ZNF385D: variants seen among roughly 807,000 people sequenced by gnomAD.
ZNF385D encodes the protein zinc finger protein 385D.
ZNF385D carries 15 observed loss-of-function variants against 35.8 expected under a neutral mutation model. The ratio of observed to expected loss-of-function variants is 0.42; its 90% confidence interval spans 0.28 to 0.64. ZNF385D has a LOEUF of 0.64. Among genes scored for constraint, ZNF385D ranks in the 30% least tolerant of loss-of-function variants. The probability of loss-of-function intolerance (pLI) is 0.23; values close to 1 mark genes in which losing one functional copy is unlikely to be tolerated. For synonymous variants in ZNF385D, 212 were observed against 186.8 expected, an observed-to-expected ratio of 1.13 and a Z score of -1.10; for missense variants, 474 against 494.6, an observed-to-expected ratio of 0.96 and a Z score of 0.39.
chr3:22,121,949 T>C (rs1437346221), intron 3 of ZNF385D, among the ~76,000 whole-genome samples: 1 of 152,114 alleles, frequency 6.6e-6, no homozygotes, highest in Non-Finnish European at 1.5e-5. Flanking sequence ...AGATCAAGTC[T>C]GGAGACCCAG....
At chr3:22,212,806 C>T (rs1030478303) in intron 2 of ZNF385D, among the ~76,000 whole-genome samples, 1 of 151,884 alleles carries the variant, frequency 6.6e-6, no homozygotes, top group African/African-American at 2.4e-5. Flanking sequence ...ATTTAAACTA[C>T]AACATTCGCT....
upstream of ZNF385D, among the ~76,000 whole-genome samples, chr3:21,754,820 A>G (rs2070268013): frequency 6.6e-6 from 1 of 152,208 alleles, no homozygotes; most frequent in African/African-American, 2.4e-5. Flanking sequence ...GTTCTTAGAA[A>G]GGTACCTGCT....
At chr3:21,505,951 C>T (rs1178835046) in intron 4 of ZNF385D, among the ~76,000 whole-genome samples, 2 of 152,102 alleles carry the variant, frequency 1.3e-5, no homozygotes, top group African/African-American at 4.8e-5. Context: ...ATCTCTCCTC[C>T]CTCGAAGTAC....
intron 3 of ZNF385D, among the ~76,000 whole-genome samples, chr3:21,941,768 A>G (rs962241061): frequency 2.5e-4 from 38 of 151,876 alleles, no homozygotes; most frequent in Middle Eastern, 3.4e-3. Flanking sequence ...AAGTGCTGGG[A>G]TTACAGGGGT....
chr3:21,831,750 C>T (rs191419568), intron 3 of ZNF385D, among the ~76,000 whole-genome samples: 76 of 152,308 alleles, frequency 5.0e-4, no homozygotes, highest in African/African-American at 1.7e-3. Context: ...TCAAAAGCCA[C>T]AGTTGACTGG....
intron 3 of ZNF385D, among the ~76,000 whole-genome samples, chr3:22,095,111 G>A (rs1484828572): frequency 6.2e-5 from 2 of 32,386 alleles, no homozygotes; most frequent in African/African-American, 7.7e-4. Context: ...TTTTTGTAGA[G>A]ATGGGGGGTC....
intron 3 of ZNF385D, among the ~76,000 whole-genome samples, chr3:22,087,030 T>C (rs1369066091): frequency 6.6e-6 from 1 of 152,048 alleles, no homozygotes; most frequent in East Asian, 1.9e-4. Context: ...CACGCATACA[T>C]ATGTAACAAA....
Position 22,269,292 on chromosome 3 carries a change from C to T in ZNF385D, c.107-100257G>A, listed in dbSNP as rs114502674. Among the ~76,000 whole-genome samples the T allele has an allele frequency of 7.9e-3, 1,200 of 151,986 alleles. 12 individuals are homozygous for T. The highest frequency in any genetic ancestry group is 0.027 in the African/African-American group (1,108 of 41,500). ...ATCTCTAACAACTATCAGAGGCATC[C>T]TTGGTGGCTATAAGACCACGGAAAT... On this transcript the variant is annotated intron_variant, in intron 2 of 5. Transcript: ENST00000494108.
At chr3:21,767,803 G>T (rs17621242) in intron 3 of ZNF385D, among the ~76,000 whole-genome samples, 27,288 of 151,936 alleles carry the variant, frequency 0.18, 2,982 homozygotes, top group Non-Finnish European at 0.24. Flanking sequence ...AAATATGACC[G>T]TTCTTTTGGA....
chr3:21,456,726 A>G (rs1254024516), intron 4 of ZNF385D, among the ~76,000 whole-genome samples: 1 of 143,874 alleles, frequency 7.0e-6, no homozygotes, highest in East Asian at 2.0e-4. Context: ...CCTAGAACTT[A>G]AAGTATAATA....
intron 6 of ZNF385D, among the ~76,000 whole-genome samples, chr3:21,425,114 A>C (rs1700957829): frequency 6.6e-6 from 1 of 152,216 alleles, no homozygotes; most frequent in Admixed American, 6.5e-5. Flanking sequence ...TATCTAAACA[A>C]ATTAAAACGG....
chr3:22,072,944 A>G (rs1700297757), intron 3 of ZNF385D, among the ~76,000 whole-genome samples: 2 of 152,016 alleles, frequency 1.3e-5, no homozygotes, highest in Non-Finnish European at 2.9e-5. Flanking sequence ...TCCTGAGCAC[A>G]TAGAGAAGGG....
chr3:22,119,309 G>A (rs1274883939), intron 3 of ZNF385D, among the ~76,000 whole-genome samples: 1 of 152,036 alleles, frequency 6.6e-6, no homozygotes, highest in South Asian at 2.1e-4. Flanking sequence ...AAAATACAAG[G>A]CATTGACTTA....
intron 3 of ZNF385D, among the ~76,000 whole-genome samples, chr3:21,821,858 C>T (rs530371085): frequency 3.3e-4 from 50 of 149,878 alleles, no homozygotes; most frequent in Middle Eastern, 3.5e-3. Flanking sequence ...CCCAGGTACT[C>T]GGGAGGCTGA....
At position 21,441,328 on chromosome 3, in the gene ZNF385D, C is replaced by T. The variant is rs576374245; in HGVS notation, c.440-4125G>A. 4.2e-4 allele frequency among the ~76,000 whole-genome samples: 64 copies of T among 152,130 alleles called. No individual in the cohort carries two copies. The South Asian group carries it at 0.012, about 28-fold the overall frequency. On this transcript the variant is annotated intron_variant, in intron 4 of 7. Coordinates refer to ENST00000281523, the MANE Select transcript of ZNF385D (RefSeq NM_024697.3). ...CTCATAAAAAACAAGAGGTGCACAA[C>T]ATTTGCATTATCATCATAGCAACAA...
At chr3:21,491,251 CAG>C (rs1436754866) in intron 4 of ZNF385D, among the ~76,000 whole-genome samples, 1 of 149,628 alleles carries the variant, frequency 6.7e-6, no homozygotes, top group African/African-American at 2.5e-5. Flanking sequence ...GATTTGGACT[CAG>C]ACATTAGGTT....
chr3:22,083,163 G>A (rs1018558479), intron 3 of ZNF385D, among the ~76,000 whole-genome samples: 5 of 152,288 alleles, frequency 3.3e-5, no homozygotes, highest in East Asian at 1.9e-4. Context: ...AAACCAAAGC[G>A]CCTCTTCTTC....
intron 1 of ZNF385D, among the ~76,000 whole-genome samples, chr3:21,735,068 C>T (rs926043803): frequency 1.3e-5 from 2 of 150,280 alleles, no homozygotes. Flanking sequence ...TCTTTGAATT[C>T]ATTTAGACTC....
intron 3 of ZNF385D, among the ~76,000 whole-genome samples, chr3:21,784,007 C>A (rs1483759392): frequency 6.6e-6 from 1 of 152,064 alleles, no homozygotes; most frequent in Non-Finnish European, 1.5e-5. Flanking sequence ...TCAGGACTCA[C>A]AGACTGCAGT....
Sources: allele counts gnomAD v4.1 joint callset (sites outside exome capture counted in the v4.1 genomes callset), GRCh38; gene constraint gnomAD v4.1.1; transcripts MANE v1.5; gene names NCBI Gene and HGNC (gene_info 2026-07-23, HGNC 2026-07-21).